The following ZNF215 variants were observed in gnomAD, a reference collection of about 807,000 sequenced individuals.
ZNF215 encodes the protein BWSCR2-associated zinc finger protein 2.
A neutral mutation model predicts 27.2 loss-of-function variants in ZNF215; 24 were observed. The ratio of observed to expected loss-of-function variants is 0.88; its 90% CI spans 0.64 to 1.24. The LOEUF (loss-of-function observed/expected upper bound fraction) is 1.24. Among genes scored for constraint, ZNF215 ranks in the 50% most tolerant of loss-of-function variants. The pLI, the probability that ZNF215 is intolerant of heterozygous loss-of-function variation, is 0.00. For synonymous variants in ZNF215, 210 were observed against 204.0 expected, an observed-to-expected ratio of 1.03 and a Z score of -0.25; for missense variants, 675 against 605.7, an observed-to-expected ratio of 1.11 and a Z score of -1.20.
chr11:6,964,230 T>A (rs1200449817), intron 5 of ZNF215, among the ~76,000 whole-genome samples: 1 of 152,068 alleles, frequency 6.6e-6, no homozygotes, highest in Non-Finnish European at 1.5e-5. Flanking sequence ...AAATATTTTT[T>A]GCACAGTCCA....
intron 6 of ZNF215, among the ~76,000 whole-genome samples, chr11:6,954,456 C>G (rs1221727575): frequency 6.6e-6 from 1 of 152,256 alleles, no homozygotes; most frequent in Non-Finnish European, 1.5e-5. Flanking sequence ...AGCCCCTCCC[C>G]CAGCCTCGCT....
At chr11:6,958,642 A>G (rs536596179), downstream of ZNF215, among the ~76,000 whole-genome samples, 4 of 152,326 alleles carry the variant, frequency 2.6e-5, no homozygotes, top group African/African-American at 9.6e-5. Context: ...ATTAAGGAGT[A>G]TTGATTTACA....
intron 5 of ZNF215, among the ~76,000 whole-genome samples, chr11:6,977,283 C>G (rs1404895807): frequency 6.6e-6 from 1 of 152,076 alleles, no homozygotes; most frequent in Admixed American, 6.6e-5. Context: ...CTCTCCTGCT[C>G]TGTCCCACCC....
chr11:6,950,727 C>A (rs1011576877), intron 6 of ZNF215, among the ~76,000 whole-genome samples: 1 of 149,580 alleles, frequency 6.7e-6, no homozygotes, highest in African/African-American at 2.5e-5. Flanking sequence ...CCTTTATTTC[C>A]TTCTCCTGCC....
At chr11:6,942,005 A>G (rs961723215) in intron 4 of ZNF215, among the ~76,000 whole-genome samples, 3 of 152,226 alleles carry the variant, frequency 2.0e-5, no homozygotes, top group Non-Finnish European at 4.4e-5. Context: ...AGACAGGACC[A>G]AAAGATGTAG....
chr11:6,937,853 A>G (rs1029395062), intron 3 of ZNF215, among the ~76,000 whole-genome samples: 17 of 151,940 alleles, frequency 1.1e-4, no homozygotes, highest in African/African-American at 3.9e-4. Context: ...TTAACTCAAG[A>G]TGGGTCAATT....
chr11:6,963,835 A>G (rs916285869), intron 5 of ZNF215, among the ~76,000 whole-genome samples: 1 of 152,120 alleles, frequency 6.6e-6, no homozygotes, highest in Non-Finnish European at 1.5e-5. Flanking sequence ...GTACTAGAAT[A>G]AGCTCACATT....
intron 6 of ZNF215, among the ~76,000 whole-genome samples, chr11:6,953,839 C>G (rs1363164521): frequency 2.6e-5 from 4 of 152,020 alleles, no homozygotes; most frequent in African/African-American, 9.7e-5. Context: ...AGTTTTTCTG[C>G]TCTGTTTTTT....
Position 6,941,571 on chromosome 11 carries a change from A to C in ZNF215, c.401A>C (p.Asp134Ala), listed in dbSNP as rs369696864. The C allele has an allele frequency of 6.2e-7, 1 of 1,613,640 alleles. No individual in the cohort carries two copies. The highest frequency in any genetic ancestry group is 8.5e-7 in the Non-Finnish European group (1 of 1,179,800). Reference sequence around the variant, plus strand: ...TAATATTTTCCTTCATCTTCCTCAGATATGCCCTGCAAGGACTCTGCCCTG... The same window carrying C: ...TAATATTTTCCTTCATCTTCCTCAGCTATGCCCTGCAAGGACTCTGCCCTG... ...EDVIEMLEDEDMPCKDSALQM... is the reference protein window; with the variant it reads ...EDVIEMLEDEAMPCKDSALQM... The change falls in exon 4 of 7, where the codon GAT becomes GCT. Residue 134 changes from aspartate to alanine, a missense_variant and splice_region_variant. Transcript: ENST00000278319.
At chr11:6,948,906 C>T (rs865834389) in intron 6 of ZNF215, among the ~76,000 whole-genome samples, 47 of 111,956 alleles carry the variant, frequency 4.2e-4, no homozygotes, top group Admixed American at 1.4e-3. Flanking sequence ...CCCCTCCCCC[C>T]ACCCCACAAC....
At chr11:6,981,991 A>T (rs1850962662) in intron 5 of ZNF215, among the ~76,000 whole-genome samples, 1 of 152,150 alleles carries the variant, frequency 6.6e-6, no homozygotes, top group Non-Finnish European at 1.5e-5. Context: ...TACCAGTACC[A>T]TGCTGTTTTG....
chr11:6,952,126 C>G (rs1041479386), intron 6 of ZNF215, among the ~76,000 whole-genome samples: 6 of 152,122 alleles, frequency 3.9e-5, no homozygotes, highest in East Asian at 1.9e-4. Context: ...TATTCTTTTA[C>G]ATTTGCTGAG....
At chr11:6,979,805 A>G (rs965984714) in intron 5 of ZNF215, among the ~76,000 whole-genome samples, 3 of 152,142 alleles carry the variant, frequency 2.0e-5, no homozygotes, top group Non-Finnish European at 4.4e-5. Flanking sequence ...GACTAAGAAA[A>G]TAATTTTAAA....
In ZNF215 at chr11:6,943,196, C is replaced by T. The variant is rs1199420189; in HGVS notation, c.597C>T (p.Asn199=). 6.2e-7 allele frequency: 1 copy of T among 1,612,768 alleles called. No homozygotes were observed. Among genetic ancestry groups the T allele is most frequent in the Non-Finnish European group, 8.5e-7 (1 of 1,179,626 alleles). The part of the protein sequence containing the change: ...YRNVMLENFR[N]LNSLRKAHLL... ...ATGTGATGCTGGAAAACTTTAGGAACCTGAATTCATTGCGTAAAGGTGGTT... is the reference window on the plus strand; with the variant it reads ...ATGTGATGCTGGAAAACTTTAGGAATCTGAATTCATTGCGTAAAGGTGGTT... Residue 199 remains asparagine (N), a synonymous_variant, in exon 5 of 7, where the codon AAC becomes AAT. Coordinates refer to ENST00000278319, the MANE Select transcript of ZNF215 (RefSeq NM_013250.4).
chr11:6,933,296 G>T (rs1849324683), intron 3 of ZNF215, among the ~76,000 whole-genome samples: 1 of 152,226 alleles, frequency 6.6e-6, no homozygotes, highest in Non-Finnish European at 1.5e-5. Context: ...TGCATGAGTG[G>T]AATTTGGGAG....
At chr11:6,993,636 T>C (rs1198269532), downstream of ZNF215, among the ~76,000 whole-genome samples, 1 of 152,220 alleles carries the variant, frequency 6.6e-6, no homozygotes, top group Non-Finnish European at 1.5e-5. Context: ...CAAACAGAGA[T>C]AAGCAGTGTT....
chr11:6,986,843 A>C (rs1387375141), downstream of ZNF215, among the ~76,000 whole-genome samples: 1 of 85,148 alleles, frequency 1.2e-5, no homozygotes, highest in Admixed American at 1.5e-4. Flanking sequence ...AAAAAGTCAA[A>C]AACAAAAACA....
chr11:6,975,766 C>G (rs1178087749), intron 5 of ZNF215, among the ~76,000 whole-genome samples: 1 of 152,086 alleles, frequency 6.6e-6, no homozygotes, highest in Non-Finnish European at 1.5e-5. Context: ...GACACTTAGG[C>G]TGATTCCAAA....
chr11:6,936,639 A>G (rs764990987), intron 3 of ZNF215, among the ~76,000 whole-genome samples: 33 of 152,192 alleles, frequency 2.2e-4, no homozygotes, highest in Non-Finnish European at 2.1e-4. Flanking sequence ...TGAGGCAAGT[A>G]TTAATCTGAT....
Sources: gnomAD v4.1 joint callset for allele counts (sites outside exome capture counted in the v4.1 genomes callset) on GRCh38, gnomAD v4.1.1 for gene constraint, MANE v1.5 for transcripts, NCBI Gene and HGNC (gene_info 2026-07-23, HGNC 2026-07-21) for gene names.